EYA4: variants seen among roughly 807,000 people sequenced by gnomAD.
EYA4 encodes protein phosphatase EYA4.
EYA4 carries 31 observed loss-of-function variants against 87.9 expected under a neutral mutation model. The ratio of observed to expected loss-of-function variants is 0.35; its 90% confidence interval spans 0.27 to 0.48. EYA4 has a LOEUF of 0.48. Among genes scored for constraint, EYA4 ranks in the 20% least tolerant of loss-of-function variants. The pLI is 0.99. For synonymous variants in EYA4, 263 were observed against 270.6 expected (o/e 0.97, Z 0.28); for missense variants, 678 against 761.4 (o/e 0.89, Z 1.29).
rs1012481437 is a variant in EYA4 at position 133,324,575 on chromosome 6, A to C, written c.33+49762A>C. Among the ~76,000 whole-genome samples the C allele has an allele frequency of 6.6e-5, 10 of 152,180 alleles. No individual in the cohort carries two copies. In the East Asian group the frequency reaches 1.9e-3, roughly 29 times the overall value. ...TTTATGAATTATTTTTTCTATTTTT[A>C]TAAAGTAAATCTATAAAGTTATTCT... On this transcript the variant is annotated intron_variant, in intron 2 of 19. Transcript: ENST00000355286.
intron 2 of EYA4, among the ~76,000 whole-genome samples, chr6:133,376,093 A>G (rs900386090): frequency 1.3e-5 from 2 of 151,852 alleles, no homozygotes; most frequent in Non-Finnish European, 2.9e-5. Flanking sequence ...ATTGTTGTTC[A>G]CAGTAATTCT....
chr6:133,378,933 G>GTA (rs2128474859), intron 2 of EYA4, among the ~76,000 whole-genome samples: 1 of 124,332 alleles, frequency 8.0e-6, no homozygotes, highest in Non-Finnish European at 1.9e-5. Context: ...CTTGGTGTGT[G>GTA]TGTGTGTGTG....
At chr6:133,390,781 G>A (rs935071907) in intron 3 of EYA4, among the ~76,000 whole-genome samples, 3 of 152,128 alleles carry the variant, frequency 2.0e-5, no homozygotes, top group African/African-American at 7.2e-5. Context: ...TACTTATCTG[G>A]TAAGTTCTAC....
chr6:133,448,862 A>C (rs1793125043), intron 5 of EYA4, among the ~76,000 whole-genome samples: 1 of 152,192 alleles, frequency 6.6e-6, no homozygotes, highest in African/African-American at 2.4e-5. Context: ...TTTTTGTGGC[A>C]CCACCCAGTT....
rs568792484 is a variant in EYA4, at chr6:133,520,210, C to T, written c.1617-2846C>T. Among the ~76,000 whole-genome samples, 7 of 151,440 alleles carry T rather than the reference C, an allele frequency of 4.6e-5. No homozygotes were observed. The South Asian group carries it at 6.3e-4, about 14-fold the overall frequency. ...AAGTCAAATTGTCCCTCTTTGCAGA[C>T]GACATGATTGTATATCTAGAAAACC... On this transcript the variant is annotated intron_variant, in intron 17 of 19. Coordinates refer to ENST00000355286, the MANE Select transcript of EYA4 (RefSeq NM_004100.5).
At chr6:133,248,899 A>G (rs1774654419) in intron 1 of EYA4, 1 of 151,092 alleles carries the variant, frequency 6.6e-6, no homozygotes, top group African/African-American at 2.4e-5. Context: ...TTGTTTTTGC[A>G]TTAACTTTAG....
intron 14 of EYA4, among the ~76,000 whole-genome samples, chr6:133,508,524 GT>G (rs1016869633): frequency 1.3e-5 from 2 of 152,100 alleles, no homozygotes; most frequent in African/African-American, 4.8e-5. Context: ...GAAATTTTAT[GT>G]GGTAGTATCC....
chr6:133,300,228 G>A (rs1187883446), intron 2 of EYA4, among the ~76,000 whole-genome samples: 1 of 151,940 alleles, frequency 6.6e-6, no homozygotes, highest in African/African-American at 2.4e-5. Context: ...AGGAGAAAGA[G>A]GAGGGGTTGG....
At chr6:133,514,617 C>A (rs1799434410) in intron 16 of EYA4, among the ~76,000 whole-genome samples, 1 of 152,094 alleles carries the variant, frequency 6.6e-6, no homozygotes, top group South Asian at 2.1e-4. Context: ...AGAAACCTTC[C>A]TTTTTAATGG....
chr6:133,324,813 G>A (rs1207249823), intron 2 of EYA4, among the ~76,000 whole-genome samples: 1 of 151,320 alleles, frequency 6.6e-6, no homozygotes, highest in African/African-American at 2.4e-5. Context: ...TGGGAAATTG[G>A]TATTTCAAAA....
intron 2 of EYA4, among the ~76,000 whole-genome samples, chr6:133,276,963 T>A (rs1481836817): frequency 2.0e-5 from 3 of 152,088 alleles, no homozygotes; most frequent in African/African-American, 7.2e-5. Flanking sequence ...TAATTTCTCT[T>A]TGAATGAAAT....
chr6:133,518,678 A>C (rs1255326733), intron 17 of EYA4, among the ~76,000 whole-genome samples: 1 of 152,198 alleles, frequency 6.6e-6, no homozygotes, highest in Non-Finnish European at 1.5e-5. Flanking sequence ...AAGCAACTCA[A>C]TTTAACTCTA....
intron 2 of EYA4, among the ~76,000 whole-genome samples, chr6:133,359,830 A>C (rs955135793): frequency 2.0e-5 from 3 of 152,262 alleles, no homozygotes; most frequent in African/African-American, 7.2e-5. Flanking sequence ...CAAAGATGAC[A>C]GTACCAGGTT....
chr6:133,260,648 T>C (rs922719078), intron 1 of EYA4, among the ~76,000 whole-genome samples: 13 of 152,212 alleles, frequency 8.5e-5, no homozygotes, highest in African/African-American at 2.7e-4. Context: ...TCAGTCTTTA[T>C]TTTATTTTAT....
At chr6:133,300,934 T>C (rs886646197) in intron 2 of EYA4, among the ~76,000 whole-genome samples, 3 of 152,218 alleles carry the variant, frequency 2.0e-5, no homozygotes, top group Non-Finnish European at 4.4e-5. Context: ...ATTCTATGTG[T>C]CCAGTTATTT....
At chr6:133,429,964 T>G (rs1259873282) in intron 3 of EYA4, among the ~76,000 whole-genome samples, 3 of 152,144 alleles carry the variant, frequency 2.0e-5, no homozygotes, top group Admixed American at 2.0e-4. Flanking sequence ...AATGATCCCA[T>G]CACCCAGATT....
At chr6:133,485,189 A>G (rs1796584259) in intron 13 of EYA4, among the ~76,000 whole-genome samples, 1 of 152,222 alleles carries the variant, frequency 6.6e-6, no homozygotes, top group African/African-American at 2.4e-5. Context: ...CAGGACATGC[A>G]GCACTCATTT....
intron 2 of EYA4, among the ~76,000 whole-genome samples, chr6:133,302,888 G>C (rs904943613): frequency 5.9e-5 from 9 of 152,104 alleles, no homozygotes; most frequent in African/African-American, 2.2e-4. Context: ...GCCTAATCCA[G>C]GGGTTTGCAG....
At chr6:133,526,269 A>G (rs904934592) in intron 19 of EYA4, among the ~76,000 whole-genome samples, 3 of 152,320 alleles carry the variant, frequency 2.0e-5, no homozygotes, top group Admixed American at 2.0e-4. Context: ...AAACAATGAC[A>G]TGCCAGCCTA....
Sources: allele counts gnomAD v4.1 joint callset (sites outside exome capture counted in the v4.1 genomes callset), GRCh38; gene constraint gnomAD v4.1.1; transcripts MANE v1.5; gene names NCBI Gene and HGNC (gene_info 2026-07-23, HGNC 2026-07-21).